The following LINC00305 variants were observed in gnomAD, a reference collection of about 807,000 sequenced individuals.
The protein encoded by LINC00305 is long intergenic non-protein coding RNA 305.
intron 1 of LINC00305, among the ~76,000 whole-genome samples, chr18:64,119,241 C>A (rs1383028566): frequency 6.6e-6 from 1 of 151,940 alleles, no homozygotes; most frequent in Non-Finnish European, 1.5e-5. Flanking sequence ...CTGATTGGAA[C>A]TTAGAGGAAG....
chr18:64,123,619 AT>A (rs1046534288), intron 1 of LINC00305, among the ~76,000 whole-genome samples: 3 of 150,980 alleles, frequency 2.0e-5, no homozygotes, highest in East Asian at 2.0e-4. Context: ...TATTTTATTT[AT>A]TTTTTTTTAA....
At chr18:64,106,574 A>G (rs190090466) in intron 1 of LINC00305, among the ~76,000 whole-genome samples, 16 of 152,134 alleles carry the variant, frequency 1.1e-4, no homozygotes, top group African/African-American at 3.9e-4. Flanking sequence ...CACTTGCAAA[A>G]TGCCTCTGCT....
chr18:64,124,616 G>C (rs141830942), intron 1 of LINC00305, among the ~76,000 whole-genome samples: 1 of 152,078 alleles, frequency 6.6e-6, no homozygotes, highest in East Asian at 1.9e-4. Context: ...CTAAGAAAAT[G>C]TTTGTTGTAT....
chr18:64,099,948 T>A (rs1280426316), intron 1 of LINC00305, among the ~76,000 whole-genome samples: 1 of 152,212 alleles, frequency 6.6e-6, no homozygotes, highest in Non-Finnish European at 1.5e-5. Flanking sequence ...TGTAAGGTGT[T>A]CCGTGTTGCC....
chr18:64,105,978 T>G (rs548257783), intron 1 of LINC00305, among the ~76,000 whole-genome samples: 1 of 152,232 alleles, frequency 6.6e-6, no homozygotes. Context: ...CATACCTGGG[T>G]GCTACCCTTT....
At chr18:64,115,908 C>T (rs2849303) in intron 1 of LINC00305, among the ~76,000 whole-genome samples, 21,446 of 152,132 alleles carry the variant, frequency 0.14, 1,529 homozygotes, top group Non-Finnish European at 0.16. Context: ...CCAGTTTCTA[C>T]GGGAGGATAG....
intron 1 of LINC00305, among the ~76,000 whole-genome samples, chr18:64,131,966 G>A (rs1348644630): frequency 6.6e-6 from 1 of 152,190 alleles, no homozygotes; most frequent in Non-Finnish European, 1.5e-5. Flanking sequence ...AATTTTTGTA[G>A]CCTGCTTCTT....
exon 3 of LINC00305, chr18:64,097,868 T>A (rs2051251264): frequency 2.2e-6 from 1 of 458,028 alleles, no homozygotes; most frequent in Admixed American, 2.3e-5. Context: ...AGAATCTCAC[T>A]CTAACCACTG....
intron 1 of LINC00305, among the ~76,000 whole-genome samples, chr18:64,146,760 C>T (rs1289440435): frequency 1.3e-5 from 2 of 152,168 alleles, no homozygotes; most frequent in Admixed American, 6.6e-5. Context: ...CATGTTTTAA[C>T]ACATGCTGTG....
chr18:64,083,669 C>A (rs1464333511), intron 3 of LINC00305, among the ~76,000 whole-genome samples: 1 of 152,192 alleles, frequency 6.6e-6, no homozygotes, highest in Non-Finnish European at 1.5e-5. Context: ...ATGCCCTTAT[C>A]TCCAAGTTAA....
intron 3 of LINC00305, among the ~76,000 whole-genome samples, chr18:64,088,255 T>C (rs1333930482): frequency 6.6e-6 from 1 of 152,232 alleles, no homozygotes; most frequent in East Asian, 1.9e-4. Flanking sequence ...TTCTTTTCCC[T>C]CACCAGTTGA....
chr18:64,132,527 A>G (rs1396746587), intron 1 of LINC00305, among the ~76,000 whole-genome samples: 2 of 152,176 alleles, frequency 1.3e-5, no homozygotes, highest in African/African-American at 2.4e-5. Context: ...CGAGTAACTC[A>G]TGGATACCAT....
At chr18:64,105,514 T>A (rs1461097503) in intron 1 of LINC00305, among the ~76,000 whole-genome samples, 1 of 152,098 alleles carries the variant, frequency 6.6e-6, no homozygotes. Flanking sequence ...ATTAAAAATT[T>A]AAAAACCCCT....
intron 3 of LINC00305, chr18:64,097,694 A>C: frequency 3.2e-6 from 1 of 316,112 alleles, no homozygotes; most frequent in Non-Finnish European, 6.3e-6. Flanking sequence ...ATTGCAAAAA[A>C]AGTAAAATTT....
At chr18:64,087,709 G>A (rs888753554) in intron 3 of LINC00305, among the ~76,000 whole-genome samples, 2 of 152,086 alleles carry the variant, frequency 1.3e-5, no homozygotes, top group East Asian at 1.9e-4. Flanking sequence ...TCTGGATCTG[G>A]GTGGAGGGAG....
At chr18:64,143,764 T>C (rs1182764655) in intron 1 of LINC00305, among the ~76,000 whole-genome samples, 3 of 150,750 alleles carry the variant, frequency 2.0e-5, no homozygotes, top group African/African-American at 7.3e-5. Context: ...TATGTACACA[T>C]ATTATGCGTA....
At chr18:64,128,742 C>T (rs191481055) in intron 1 of LINC00305, among the ~76,000 whole-genome samples, 10 of 152,264 alleles carry the variant, frequency 6.6e-5, no homozygotes, top group Non-Finnish European at 1.3e-4. Flanking sequence ...TAAATAGTCA[C>T]TGCATTCAGC....
At chr18:64,138,252 CT>C (rs1359878478) in intron 1 of LINC00305, among the ~76,000 whole-genome samples, 2 of 152,050 alleles carry the variant, frequency 1.3e-5, no homozygotes, top group Non-Finnish European at 2.9e-5. Context: ...CTCATTACCT[CT>C]TTTTTTCCCC....
chr18:64,103,193 CGT>C (rs2051274739), intron 1 of LINC00305, among the ~76,000 whole-genome samples: 1 of 152,194 alleles, frequency 6.6e-6, no homozygotes, highest in Non-Finnish European at 1.5e-5. Flanking sequence ...CATTTGTCCA[CGT>C]GTGTCTGCCA....
Sources: gnomAD v4.1 joint callset for allele counts (sites outside exome capture counted in the v4.1 genomes callset) on GRCh38, gnomAD v4.1.1 for gene constraint, MANE v1.5 for transcripts, NCBI Gene and HGNC (gene_info 2026-07-23, HGNC 2026-07-21) for gene names.